ARGFX: variants seen among roughly 807,000 people sequenced by gnomAD.
ARGFX encodes arginine-fifty homeobox.
In ARGFX, 10 loss-of-function variants were observed where a neutral mutation model predicts 8.0. The ratio of observed to expected loss-of-function variants is 1.25; its 90% CI spans 0.77 to 2.12. The LOEUF (loss-of-function observed/expected upper bound fraction) is 2.12. Among genes scored for constraint, ARGFX ranks in the 30% most tolerant of loss-of-function variants. ARGFX has a pLI of 0.00. For missense variants in ARGFX, 282 were observed against 324.3 expected, an observed-to-expected ratio of 0.87 and a Z score of 1.00; for synonymous variants, 116 against 117.8, an observed-to-expected ratio of 0.98 and a Z score of 0.10.
intron 3 of ARGFX, among the ~76,000 whole-genome samples, chr3:121,584,279 GAGCAAAGCAA>G (rs952550666): frequency 1.3e-5 from 2 of 151,136 alleles, no homozygotes; most frequent in African/African-American, 4.9e-5. Context: ...AAGAAAAGAA[GAGCAAAGCAA>G]AGCAAAGCAA....
intron 3 of ARGFX, among the ~76,000 whole-genome samples, chr3:121,580,229 G>A (rs964639417): frequency 5.3e-5 from 8 of 151,218 alleles, no homozygotes; most frequent in African/African-American, 1.7e-4. Context: ...TGCAACCTCC[G>A]CCTCCCGTGT....
intron 2 of ARGFX, among the ~76,000 whole-genome samples, chr3:121,574,541 G>A (rs909859446): frequency 6.6e-6 from 1 of 152,196 alleles, no homozygotes; most frequent in Non-Finnish European, 1.5e-5. Context: ...CCTGTGCAGT[G>A]CACAATAGGA....
Position 121,579,558 on chromosome 3 carries a change from G to A in ARGFX, c.220+2658G>A, listed in dbSNP as rs181369432. Among the ~76,000 whole-genome samples the A allele has an allele frequency of 3.2e-3, 491 of 152,308 alleles. 3 individuals are homozygous for A. Among genetic ancestry groups the A allele is most frequent in the African/African-American group, 0.011 (471 of 41,558 alleles). ...AGCTCTGTTCCCCTGTGCCCTCTCT[G>A]TAGTCTGTATCTCTTCTCAGGGAGC... On this transcript the variant is annotated intron_variant, in intron 3 of 4. Coordinates refer to ENST00000334384, the MANE Select transcript of ARGFX (RefSeq NM_001012659.2).
At chr3:121,575,116 G>A (rs1160012595) in intron 2 of ARGFX, among the ~76,000 whole-genome samples, 3 of 151,992 alleles carry the variant, frequency 2.0e-5, no homozygotes, top group African/African-American at 7.2e-5. Context: ...TCAAGAGATC[G>A]AGATCATCCT....
chr3:121,580,512 T>G (rs2048771591), intron 3 of ARGFX, among the ~76,000 whole-genome samples: 1 of 151,760 alleles, frequency 6.6e-6, no homozygotes, highest in South Asian at 2.1e-4. Context: ...TTCTCATAAT[T>G]TTTGTAGTCT....
rs1391835614 is a variant in ARGFX at position 121,587,268 on chromosome 3, T to C, written c.*668T>C. Among the ~76,000 whole-genome samples the C allele has an allele frequency of 6.6e-6, 1 of 151,888 alleles. No homozygotes were observed. On this transcript the variant is annotated 3_prime_UTR_variant, in exon 5 of 5. Transcript: ENST00000334384. ...GGTTTCACCACGTTGCCCAGGCTGG[T>C]CTTGAACTCCTGACCTCCAGTGATC...
chr3:121,585,172 A>G lies in ARGFX; in HGVS notation c.369+107A>G. Reference sequence around the variant, plus strand: ...CCTGCCCCACAATAATATTTCATTAATTGAGTACCTACTGAAACGGTATCA... The same window carrying G: ...CCTGCCCCACAATAATATTTCATTAGTTGAGTACCTACTGAAACGGTATCA... On this transcript the variant is annotated intron_variant, in intron 4 of 4. Coordinates refer to ENST00000334384, the MANE Select transcript of ARGFX (RefSeq NM_001012659.2). The G allele has an allele frequency of 4.0e-6, 5 of 1,243,460 alleles. No homozygotes were observed. In the Admixed American group the frequency reaches 7.2e-5, roughly 18 times the overall value. The allele number at this position is 1,243,460 out of a possible 1,614,324, so 77.0% of individuals were successfully genotyped here. A position where few individuals can be genotyped will look rare whatever the true frequency, so the allele number is the denominator to read the frequency against.
In ARGFX at chr3:121,586,001, C is replaced by A. The variant is rs1429378186; in HGVS notation, c.370-21C>A. ...TCCTCCAATAACAGACCACAATCTC[C>A]CCCTCTTCCCCTACTCCCAGGTTTG... On this transcript the variant is annotated intron_variant, in intron 4 of 4. Coordinates refer to ENST00000334384, the MANE Select transcript of ARGFX (RefSeq NM_001012659.2). 1.9e-6 allele frequency: 3 copies of A among 1,549,122 alleles called. No homozygotes were observed. In the African/African-American group the frequency reaches 4.1e-5, roughly 21 times the overall value.
At chr3:121,572,022 G>T (rs1221926796) in intron 2 of ARGFX, among the ~76,000 whole-genome samples, 3 of 151,134 alleles carry the variant, frequency 2.0e-5, no homozygotes, top group Non-Finnish European at 4.4e-5. Flanking sequence ...GTAGAGAAGG[G>T]GTTTCACCGT....
At chr3:121,569,418 T>A (rs891298003) in intron 1 of ARGFX, among the ~76,000 whole-genome samples, 14 of 144,008 alleles carry the variant, frequency 9.7e-5, no homozygotes, top group African/African-American at 3.7e-4. Flanking sequence ...CAGGCTGGAG[T>A]GCAGTGACAT....
intron 3 of ARGFX, among the ~76,000 whole-genome samples, chr3:121,582,773 G>A (rs1211594575): frequency 6.6e-6 from 1 of 151,996 alleles, no homozygotes; most frequent in East Asian, 1.9e-4. Flanking sequence ...TGACATGATA[G>A]TAGCTCACAA....
intron 3 of ARGFX, among the ~76,000 whole-genome samples, chr3:121,577,203 A>G (rs1337495314): frequency 1.3e-5 from 1 of 74,804 alleles, no homozygotes; most frequent in African/African-American, 4.4e-5. Context: ...GTGTGTATGT[A>G]TATATATATA....
chr3:121,575,033 A>C (rs900046207), intron 2 of ARGFX, among the ~76,000 whole-genome samples: 1 of 152,184 alleles, frequency 6.6e-6, no homozygotes, highest in African/African-American at 2.4e-5. Flanking sequence ...TCAATCTACA[A>C]GCCAGGCCAG....
At chr3:121,574,705 C>T (rs1203630684) in intron 2 of ARGFX, among the ~76,000 whole-genome samples, 4 of 152,228 alleles carry the variant, frequency 2.6e-5, no homozygotes, top group East Asian at 1.9e-4. Flanking sequence ...CAGTTCCTAA[C>T]AGGCCATGGA....
Position 121,585,050 on chromosome 3 carries a change from G to A in ARGFX, c.354G>A (p.Pro118=), listed in dbSNP as rs185718718. 58 of 1,613,740 alleles carry A rather than the reference G, an allele frequency of 3.6e-5. No individual in the cohort carries two copies. Among genetic ancestry groups the A allele is most frequent in the East Asian group, 3.1e-4 (14 of 44,870 alleles). Residue 118 remains proline, a synonymous_variant, in exon 4 of 5, where the codon CCG becomes CCA. Coordinates refer to ENST00000334384, the MANE Select transcript of ARGFX (RefSeq NM_001012659.2). ...QEKLALRLDL[P]ESTVKVWFRN... ...AACTAGCTTTGAGACTCGACCTACC[G>A]GAGTCAACAGTAAAGGTCTGATCCC...
In ARGFX at chr3:121,586,887, G is replaced by T. The variant is rs1263661895; in HGVS notation, c.*287G>T. ...TAAAAGTAGGACAGTGGTTTTGGGGGTTATCCACTTTTATTTTTTTGAAAC... is the reference window on the plus strand; with the variant it reads ...TAAAAGTAGGACAGTGGTTTTGGGGTTTATCCACTTTTATTTTTTTGAAAC... On this transcript the variant is annotated 3_prime_UTR_variant, in exon 5 of 5. Coordinates refer to ENST00000334384, the MANE Select transcript of ARGFX (RefSeq NM_001012659.2). Among the ~76,000 whole-genome samples the T allele has an allele frequency of 2.6e-5, 4 of 152,072 alleles. No homozygotes were observed. The highest frequency in any genetic ancestry group is 5.9e-5 in the Non-Finnish European group (4 of 68,008).
rs1201949506 is a variant in ARGFX, at chr3:121,588,496, A to AAAAAATG, written c.*1902_*1903insGAAAAAT. ...CTGTCTCAAAAAAAAAATAAAAAAT[A>AAAAAATG]AAAAATAAAAAATAAAAGAAACATA... On this transcript the variant is annotated 3_prime_UTR_variant, in exon 5 of 5. Transcript: ENST00000334384. 6.7e-6 allele frequency among the ~76,000 whole-genome samples: 1 copy of AAAAAATG among 150,352 alleles called. No homozygotes were observed. The highest frequency in any genetic ancestry group is 1.5e-5 in the Non-Finnish European group (1 of 67,100).
chr3:121,585,888 C>T (rs2048809616), intron 4 of ARGFX, 134 bp from the exon 5 acceptor site: 18 of 835,226 alleles, frequency 2.2e-5, no homozygotes, highest in Middle Eastern at 4.6e-4. Context: ...CCCATCTCTG[C>T]TTTTGCAGAG....
intron 4 of ARGFX, among the ~76,000 whole-genome samples, chr3:121,585,457 A>G (rs2048806311): frequency 6.6e-6 from 1 of 152,128 alleles, no homozygotes; most frequent in Non-Finnish European, 1.5e-5. Flanking sequence ...CAACAGACAA[A>G]TAATACTCCC....
Sources: allele counts gnomAD v4.1 joint callset (sites outside exome capture counted in the v4.1 genomes callset), GRCh38; gene constraint gnomAD v4.1.1; transcripts MANE v1.5; gene names NCBI Gene and HGNC (gene_info 2026-07-23, HGNC 2026-07-21).